Variants in ESRRG observed in about 807,000 individuals in gnomAD.
The protein encoded by ESRRG is estrogen related receptor gamma, also known as estrogen-related receptor gamma.
ESRRG carries 13 observed loss-of-function variants against 44.0 expected under a neutral mutation model. That is an observed-to-expected ratio of 0.30 (90% confidence interval 0.19 to 0.47). The LOEUF (loss-of-function observed/expected upper bound fraction) is 0.47. Among genes scored for constraint, ESRRG ranks in the 20% least tolerant of loss-of-function variants. The pLI is 1.00. For synonymous variants in ESRRG, 215 were observed against 214.6 expected (o/e 1.00, Z -0.02); for missense variants, 395 against 580.6 (o/e 0.68, Z 3.29).
intron 1 of ESRRG, among the ~76,000 whole-genome samples, chr1:217,111,885 G>A (rs2092665438): frequency 6.6e-6 from 1 of 152,112 alleles, no homozygotes. Context: ...TGACATCTGG[G>A]ACTTCCAAGG....
intron 3 of ESRRG, among the ~76,000 whole-genome samples, chr1:216,569,261 G>GGAA (rs2060347529): frequency 7.1e-6 from 1 of 141,508 alleles, no homozygotes; most frequent in Admixed American, 7.1e-5. Context: ...GGAAAGGAGG[G>GGAA]AGGAAGGAAA....
intron 1 of ESRRG, among the ~76,000 whole-genome samples, chr1:217,085,481 A>ATTTTTTTTT (rs148354268): frequency 4.1e-5 from 2 of 49,130 alleles, no homozygotes; most frequent in African/African-American, 1.8e-4. Context: ...TTTTCTTTTC[A>ATTTTTTTTT]TTTTTTTTTT....
At chr1:217,023,166 A>G (rs539058129) in intron 1 of ESRRG, among the ~76,000 whole-genome samples, 1 of 152,252 alleles carries the variant, frequency 6.6e-6, no homozygotes, top group Non-Finnish European at 1.5e-5. Flanking sequence ...AACTTAAACA[A>G]AAAACAATGT....
intron 2 of ESRRG, among the ~76,000 whole-genome samples, chr1:216,652,407 C>G (rs1449226688): frequency 6.6e-6 from 1 of 152,100 alleles, no homozygotes; most frequent in African/African-American, 2.4e-5. Context: ...CACAAAGACT[C>G]AACTACTCAG....
chr1:216,889,851 G>C (rs1462053464), intron 2 of ESRRG, among the ~76,000 whole-genome samples: 1 of 152,172 alleles, frequency 6.6e-6, no homozygotes, highest in South Asian at 2.1e-4. Context: ...TGTATAGAAA[G>C]TGGAGGAAAA....
intron 3 of ESRRG, among the ~76,000 whole-genome samples, chr1:216,619,750 G>T (rs1165053196): frequency 1.3e-5 from 2 of 152,108 alleles, no homozygotes; most frequent in Non-Finnish European, 2.9e-5. Flanking sequence ...GGTTTGTTTA[G>T]TTGAAGACTT....
At chr1:217,087,500 C>A (rs1396251964) in intron 1 of ESRRG, among the ~76,000 whole-genome samples, 1 of 152,152 alleles carries the variant, frequency 6.6e-6, no homozygotes, top group Non-Finnish European at 1.5e-5. Flanking sequence ...GAAACCTAAT[C>A]GATTGATCTG....
intron 1 of ESRRG, among the ~76,000 whole-genome samples, chr1:216,722,575 G>A (rs2086581199): frequency 6.6e-6 from 1 of 152,034 alleles, no homozygotes; most frequent in Admixed American, 6.5e-5. Flanking sequence ...AAATTTTAAA[G>A]TCACTACTGT....
intron 1 of ESRRG, among the ~76,000 whole-genome samples, chr1:216,694,179 G>T (rs1488739850): frequency 1.3e-5 from 2 of 152,186 alleles, no homozygotes; most frequent in Non-Finnish European, 2.9e-5. Context: ...CTGTTAAATG[G>T]AAGGTATATC....
intron 1 of ESRRG, among the ~76,000 whole-genome samples, chr1:217,057,658 A>C (rs1409612782): frequency 6.6e-6 from 1 of 152,118 alleles, no homozygotes; most frequent in Middle Eastern, 3.2e-3. Context: ...ATAAATATAA[A>C]AGGTGAAAAG....
At chr1:216,907,692 T>C (rs2059839992) in intron 2 of ESRRG, among the ~76,000 whole-genome samples, 1 of 152,186 alleles carries the variant, frequency 6.6e-6, no homozygotes. Context: ...CAGGCATATC[T>C]AAATTCTAGA....
intron 2 of ESRRG, among the ~76,000 whole-genome samples, chr1:216,914,143 C>T (rs1374032698): frequency 6.6e-6 from 1 of 151,984 alleles, no homozygotes; most frequent in Non-Finnish European, 1.5e-5. Context: ...TCCTGTACTG[C>T]TATTTCCATG....
chr1:216,994,585 A>G (rs2076133862), intron 1 of ESRRG, among the ~76,000 whole-genome samples: 1 of 151,934 alleles, frequency 6.6e-6, no homozygotes, highest in Non-Finnish European at 1.5e-5. Context: ...ACCGTTCGAC[A>G]ACTTCTTTTT....
At chr1:216,853,768 A>C (rs1159999946) in intron 2 of ESRRG, among the ~76,000 whole-genome samples, 2 of 152,342 alleles carry the variant, frequency 1.3e-5, no homozygotes, top group East Asian at 3.9e-4. Flanking sequence ...TGCTGTTTCT[A>C]GCTTTCATCT....
At chr1:216,989,613 C>G (rs958142949) in intron 1 of ESRRG, among the ~76,000 whole-genome samples, 3 of 151,972 alleles carry the variant, frequency 2.0e-5, no homozygotes, top group Admixed American at 6.6e-5. Flanking sequence ...AAATATAGCC[C>G]CAAATTTCCT....
At chr1:216,686,439 C>CAA (rs58718125) in intron 1 of ESRRG, among the ~76,000 whole-genome samples, 59 of 107,108 alleles carry the variant, frequency 5.5e-4, no homozygotes, top group Non-Finnish European at 7.2e-4. Flanking sequence ...TATTGTTAAC[C>CAA]AAAAAAAAAA....
At chr1:216,546,261 G>T (rs551978715) in intron 5 of ESRRG, among the ~76,000 whole-genome samples, 1 of 152,086 alleles carries the variant, frequency 6.6e-6, no homozygotes, top group East Asian at 1.9e-4. Flanking sequence ...GTCAACTACT[G>T]GCTTGTGATG....
intron 1 of ESRRG, among the ~76,000 whole-genome samples, chr1:217,075,625 T>C (rs1008419297): frequency 2.7e-5 from 4 of 147,344 alleles, no homozygotes; most frequent in African/African-American, 9.8e-5. Context: ...GTCTATTCTT[T>C]TATATCTTTT....
intron 2 of ESRRG, among the ~76,000 whole-genome samples, chr1:216,901,597 C>A (rs1428070075): frequency 6.6e-6 from 1 of 152,156 alleles, no homozygotes; most frequent in African/African-American, 2.4e-5. Flanking sequence ...TCTCAAACTC[C>A]TGGGCTCAAG....
Sources: gnomAD v4.1 joint callset for allele counts (sites outside exome capture counted in the v4.1 genomes callset) on GRCh38, gnomAD v4.1.1 for gene constraint, MANE v1.5 for transcripts, NCBI Gene and HGNC (gene_info 2026-07-23, HGNC 2026-07-21) for gene names.